The following AGPS variants were observed in gnomAD, a reference collection of about 807,000 sequenced individuals.
AGPS encodes the protein alkylglycerone phosphate synthase.
AGPS carries 26 observed loss-of-function variants against 90.7 expected under a neutral mutation model. The ratio of observed to expected loss-of-function variants is 0.29; its 90% CI spans 0.21 to 0.40. The LOEUF (loss-of-function observed/expected upper bound fraction) is 0.40, where lower values mean the gene tolerates loss of function less well. Among genes scored for constraint, AGPS ranks in the 10% least tolerant of loss-of-function variants. The pLI is 1.00. For synonymous variants in AGPS, 294 were observed against 285.3 expected, an observed-to-expected ratio of 1.03 and a Z score of -0.31; for missense variants, 540 against 816.1, an observed-to-expected ratio of 0.66 and a Z score of 4.12.
chr2:177,501,996 AT>A (rs1413435779), intron 14 of AGPS, among the ~76,000 whole-genome samples: 1 of 152,170 alleles, frequency 6.6e-6, no homozygotes, highest in Non-Finnish European at 1.5e-5. Context: ...AATGTCAGTA[AT>A]GCCAGTTTTG....
chr2:177,446,148 AC>A (rs1686762318), intron 8 of AGPS, among the ~76,000 whole-genome samples: 1 of 37,830 alleles, frequency 2.6e-5, no homozygotes, highest in South Asian at 1.1e-3. Context: ...GGTGACTGTT[AC>A]TTTTTTTTTT....
At chr2:177,422,278 G>A (rs1369551685) in intron 2 of AGPS, among the ~76,000 whole-genome samples, 2 of 152,098 alleles carry the variant, frequency 1.3e-5, no homozygotes, top group Non-Finnish European at 2.9e-5. Flanking sequence ...TGATGTTAGG[G>A]TATCTAGAGA....
intron 15 of AGPS, among the ~76,000 whole-genome samples, chr2:177,506,990 T>C (rs1440922352): frequency 1.3e-5 from 2 of 152,034 alleles, no homozygotes; most frequent in Non-Finnish European, 2.9e-5. Context: ...TTTTTAAGGT[T>C]CTAGTTAATG....
At chr2:177,521,483 C>A in intron 18 of AGPS, 115 bp downstream of exon 18, 1 of 871,160 alleles carries the variant, frequency 1.1e-6, no homozygotes, top group South Asian at 1.4e-5. Context: ...GTTTGCCTAG[C>A]TGTTAGCCCT....
rs780755840 is a variant in AGPS, at chr2:177,392,942, G to C, written c.153G>C (p.Glu51Asp). 6.5e-7 allele frequency: 1 copy of C among 1,550,004 alleles called. No homozygotes were observed. Among genetic ancestry groups the C allele is most frequent in the Non-Finnish European group, 8.7e-7 (1 of 1,146,728 alleles). The change falls in exon 1 of 20, where the codon GAG becomes GAC. Residue 51 changes from glutamate to aspartate, a missense_variant. Glu to Asp is a conservative substitution (Grantham distance 45). Around this residue, in one of 2 missense-constraint regions of AGPS, gnomAD observed 135 missense variants for 124.0 expected, o/e 1.09. Transcript: ENST00000264167. Reference sequence around the variant, plus strand: ...GCCATCTGCTGGGCCGGCCCCGGGAGGCTCTGAGTACCAATGAGTGCAAAG... The same window carrying C: ...GCCATCTGCTGGGCCGGCCCCGGGACGCTCTGAGTACCAATGAGTGCAAAG... ...LSGHLLGRPR[E>D]ALSTNECKAR...
chr2:177,425,908 G>GT (rs1574357365), intron 2 of AGPS, among the ~76,000 whole-genome samples: 1 of 152,104 alleles, frequency 6.6e-6, no homozygotes, highest in Non-Finnish European at 1.5e-5. Flanking sequence ...TTTTAAAATA[G>GT]TTTTTTCTAG....
intron 5 of AGPS, among the ~76,000 whole-genome samples, chr2:177,439,940 T>A (rs528516731): frequency 3.9e-5 from 6 of 152,282 alleles, no homozygotes; most frequent in African/African-American, 1.4e-4. Context: ...GTCAGGTTTT[T>A]GTTACTTGTA....
chr2:177,456,686 C>T (rs558801544), intron 8 of AGPS, among the ~76,000 whole-genome samples: 4 of 152,048 alleles, frequency 2.6e-5, no homozygotes, highest in East Asian at 3.9e-4. Flanking sequence ...ATGAAGTAAC[C>T]TACCTGACAA....
At position 177,523,759 on chromosome 2, in the gene AGPS, A is replaced by G; in HGVS notation, c.1809A>G (p.Arg603=). The change falls in exon 19 of 20, where the codon AGA becomes AGG. Residue 603 remains arginine, a synonymous_variant. Transcript: ENST00000264167. ...GTTTCCAAATACAGGCAGCTGCTAG[A>G]GAAGAAATCCTTGCTAATGGAGGGA... The part of the protein sequence containing the change: ...TVFEQTEAAA[R]EEILANGGSL... 1 of 1,613,988 alleles carries G rather than the reference A, an allele frequency of 6.2e-7. No individual in the cohort carries two copies. The highest frequency in any genetic ancestry group is 8.5e-7 in the Non-Finnish European group (1 of 1,179,896).
rs1429033030 is a variant in AGPS, at chr2:177,542,675, G to A, written c.*4480G>A. 2.0e-5 allele frequency: 3 copies of A among 152,032 alleles called. No individual in the cohort carries two copies. Among genetic ancestry groups the A allele is most frequent in the Non-Finnish European group, 4.4e-5 (3 of 68,008 alleles). 9.4% of individuals were successfully genotyped at this position (152,032 alleles called of 1,614,324 possible). On this transcript the variant is annotated 3_prime_UTR_variant, in exon 20 of 20. Coordinates refer to ENST00000264167, the MANE Select transcript of AGPS (RefSeq NM_003659.4). The stretch of plus-strand genomic sequence containing the variant: ...TTTTTAAGACAACCTTTTGTTGGCA[G>A]TGTTTTTCCTGAACACCATATGCAC...
At position 177,437,039 on chromosome 2, in the gene AGPS, A is replaced by G. The variant is rs1305320374; in HGVS notation, c.622A>G (p.Ile208Val). 1.2e-6 allele frequency: 2 copies of G among 1,613,456 alleles called. No individual in the cohort carries two copies. Among genetic ancestry groups the G allele is most frequent in the East Asian group, 2.2e-5 (1 of 44,766 alleles). Residue 208 changes from isoleucine (I) to valine (V), a missense_variant, in exon 5 of 20, where the codon ATA (isoleucine) becomes GTA (valine). By Grantham distance (29) the Ile-to-Val change is conservative (BLOSUM62 3). Transcript: ENST00000264167. ...AGGAATGTTTGAGCGAATTCCTGATATAGTTTTATGGCCAAGTAAGTTTTC... is the reference window on the plus strand; with the variant it reads ...AGGAATGTTTGAGCGAATTCCTGATGTAGTTTTATGGCCAAGTAAGTTTTC... ...REGMFERIPD[I>V]VLWPTCHDDV...
rs919719113 is a variant in AGPS, at chr2:177,538,784, A to G, written c.*589A>G. Reference sequence around the variant, plus strand: ...TTAGTATACATGCATAAAACCTTGTATCATCAATATACAAATTATTCTGTT... The same window carrying G: ...TTAGTATACATGCATAAAACCTTGTGTCATCAATATACAAATTATTCTGTT... On this transcript the variant is annotated 3_prime_UTR_variant, in exon 20 of 20. Transcript: ENST00000264167. 1.0e-4 allele frequency: 16 copies of G among 153,616 alleles called. No homozygotes were observed. Among genetic ancestry groups the G allele is most frequent in the African/African-American group, 3.9e-4 (16 of 41,514 alleles). 9.5% of individuals were successfully genotyped at this position (153,616 alleles called of 1,614,324 possible). A position where few individuals can be genotyped will look rare whatever the true frequency, so the allele number is the denominator to read the frequency against.
Position 177,479,848 on chromosome 2 carries a change from T to C in AGPS, c.1106-2211T>C, listed in dbSNP as rs1341083603. Among the ~76,000 whole-genome samples the C allele has an allele frequency of 2.0e-5, 3 of 152,206 alleles. No homozygotes were observed. In the East Asian group the frequency reaches 5.8e-4, roughly 29 times the overall value. On this transcript the variant is annotated intron_variant, in intron 10 of 19. Coordinates refer to ENST00000264167, the MANE Select transcript of AGPS (RefSeq NM_003659.4). ...ATGAAAATGTTCTAAACTTAGATTG[T>C]AATGACAGTTGCACATGTCTGTGAA...
chr2:177,422,350 G>T (rs1172497695), intron 2 of AGPS, among the ~76,000 whole-genome samples: 1 of 152,078 alleles, frequency 6.6e-6, no homozygotes. Context: ...GAGATTTGAT[G>T]GTCTTGATAG....
At chr2:177,432,576 G>C (rs1267188015) in intron 2 of AGPS, among the ~76,000 whole-genome samples, 1 of 152,200 alleles carries the variant, frequency 6.6e-6, no homozygotes, top group African/African-American at 2.4e-5. Flanking sequence ...AATAAATATT[G>C]TGCATTCAGA....
At chr2:177,420,674 T>G (rs978726363) in intron 2 of AGPS, among the ~76,000 whole-genome samples, 1 of 151,754 alleles carries the variant, frequency 6.6e-6, no homozygotes, top group Admixed American at 6.6e-5. Flanking sequence ...ATATTCACAT[T>G]CTCCAGTTGT....
At chr2:177,399,671 C>T (rs4402804) in intron 1 of AGPS, among the ~76,000 whole-genome samples, 131,250 of 152,160 alleles carry the variant, frequency 0.86, 56,818 homozygotes, top group East Asian at 0.95. Context: ...GCATAATTAA[C>T]TTTTGCAGAA....
intron 16 of AGPS, among the ~76,000 whole-genome samples, chr2:177,511,072 T>G (rs925563350): frequency 6.6e-6 from 1 of 152,076 alleles, no homozygotes; most frequent in African/African-American, 2.4e-5. Context: ...AAATAGATAT[T>G]TTAAGGGTTG....
intron 1 of AGPS, among the ~76,000 whole-genome samples, chr2:177,414,961 AATAAT>A (rs532173876): frequency 4.7e-5 from 7 of 150,034 alleles, no homozygotes; most frequent in Admixed American, 1.3e-4. Flanking sequence ...ATGCATTATA[AATAAT>A]ATATCTGGAT....
Sources: gnomAD v4.1 joint callset for allele counts (sites outside exome capture counted in the v4.1 genomes callset) on GRCh38, gnomAD v4.1.1 for gene constraint, gnomAD v4.1.1 regional missense constraint, MANE v1.5 for transcripts, NCBI Gene and HGNC (gene_info 2026-07-23, HGNC 2026-07-21) for gene names.